KPNA2: variants seen among roughly 807,000 people sequenced by gnomAD.
The protein encoded by KPNA2 is importin subunit alpha-1.
A neutral mutation model predicts 53.7 loss-of-function variants in KPNA2; 20 were observed. That is an observed-to-expected ratio of 0.37 (90% CI 0.26 to 0.54). The LOEUF is 0.54. KPNA2 is among the 20% of genes least tolerant of loss of function. The probability of loss-of-function intolerance (pLI) is 0.83; values close to 1 mark genes in which losing one functional copy is unlikely to be tolerated. For missense variants in KPNA2, 515 were observed against 640.3 expected, an observed-to-expected ratio of 0.80 and a Z score of 2.11; for synonymous variants, 238 against 227.5, an observed-to-expected ratio of 1.05 and a Z score of -0.42.
Position 68,037,175 on chromosome 17 carries a change from C to A in KPNA2, c.43C>A (p.His15Asn). ...ENANTPAARL[H>N]RFKNKGKDST... The stretch of plus-strand genomic sequence containing the variant: ...TGCTAATACACCAGCTGCCCGTCTT[C>A]ACAGATTCAAGAACAAGGGAAAAGA... Residue 15 changes from histidine to asparagine, a missense_variant, in exon 2 of 11, where the codon CAC (histidine) becomes AAC (asparagine). Transcript: ENST00000330459. 1.2e-6 allele frequency: 2 copies of A among 1,613,498 alleles called. No individual in the cohort carries two copies. The highest frequency in any genetic ancestry group is 1.7e-5 in the Admixed American group (1 of 59,820).
Position 68,040,924 on chromosome 17 carries a change from G to A in KPNA2, c.302+158G>A, listed in dbSNP as rs186570480. Among the ~76,000 whole-genome samples the A allele has an allele frequency of 1.9e-3, 286 of 152,236 alleles. 2 individuals carry two copies. Among genetic ancestry groups the A allele is most frequent in the African/African-American group, 6.3e-3 (263 of 41,544 alleles). On this transcript the variant is annotated intron_variant, in intron 4 of 10. Transcript: ENST00000330459. ...GTATTTTTTATTTATTAATTTTTTT[G>A]AGAGGGGAGGCCTTGCTATTTTGCC...
intron 5 of KPNA2, 70 bp downstream of exon 5, chr17:68,042,423 T>A: frequency 6.8e-7 from 1 of 1,465,754 alleles, no homozygotes; most frequent in East Asian, 2.3e-5. Context: ...GGCCTTGTTA[T>A]AAGTAATAGT....
rs144471912 is a variant in KPNA2 at position 68,043,822 on chromosome 17, ATT to A, written c.931-5_931-4del. The A allele has an allele frequency of 2.9e-4, 340 of 1,182,070 alleles. No homozygotes were observed. Among genetic ancestry groups the A allele is most frequent in the South Asian group, 3.8e-4 (27 of 71,420 alleles). 73.2% of individuals were successfully genotyped at this position (1,182,070 alleles called of 1,614,324 possible). On this transcript the variant is annotated splice_polypyrimidine_tract_variant and intron_variant, in intron 7 of 10. Coordinates refer to ENST00000330459, the MANE Select transcript of KPNA2 (RefSeq NM_002266.4). The stretch of plus-strand genomic sequence containing the variant: ...GGGAAAAAATAACCAGCATCAACAT[ATT>A]TTTTTTTTTTCAGACTCCTGCCCTA...
At chr17:68,045,194 CTCA>C (rs1436837577) in intron 9 of KPNA2, among the ~76,000 whole-genome samples, 1 of 151,924 alleles carries the variant, frequency 6.6e-6, no homozygotes, top group Admixed American at 6.6e-5. Context: ...TCTTCTTCCC[CTCA>C]TCTAATCCCC....
chr17:68,044,781 C>T (rs1408922615), intron 9 of KPNA2, among the ~76,000 whole-genome samples: 4 of 152,102 alleles, frequency 2.6e-5, no homozygotes, highest in Non-Finnish European at 5.9e-5. Flanking sequence ...AATTTCATAC[C>T]GATTTTTGGT....
At position 68,042,436 on chromosome 17, in the gene KPNA2, CTT is replaced by C. The variant is rs1287904331; in HGVS notation, c.571+85_571+86del. The C allele has an allele frequency of 5.6e-6, 8 of 1,419,040 alleles. No homozygotes were observed. The African/African-American group carries it at 7.1e-5, about 13-fold the overall frequency. The allele number at this position is 1,419,040 out of a possible 1,614,324, so 87.9% of individuals were successfully genotyped here. Reference sequence around the variant, plus strand: ...AAGGCCTTGTTATAAGTAATAGTGACTTTGTCAAGTTTTGAGCTTGCTTTCAA... The same window carrying C: ...AAGGCCTTGTTATAAGTAATAGTGACTGTCAAGTTTTGAGCTTGCTTTCAA... On this transcript the variant is annotated intron_variant, in intron 5 of 10. Coordinates refer to ENST00000330459, the MANE Select transcript of KPNA2 (RefSeq NM_002266.4).
In KPNA2 at chr17:68,044,181, T is replaced by G. The variant is rs532633630; in HGVS notation, c.1164+110T>G. On this transcript the variant is annotated intron_variant, in intron 8 of 10. Transcript: ENST00000330459. ...TTGGGTTCTACTAGGAGTCCTTTGC[T>G]GAACAATACCCAGTAACCCCTTTTA... is the stretch of plus-strand genomic sequence containing the variant. 54 of 1,252,370 alleles carry G rather than the reference T, an allele frequency of 4.3e-5. No homozygotes were observed. In the South Asian group the frequency reaches 6.6e-4, roughly 15 times the overall value. 77.6% of individuals were successfully genotyped at this position (1,252,370 alleles called of 1,614,324 possible).
chr17:68,046,373 T>C (rs1453873649), intron 10 of KPNA2, 131 bp from the exon 11 acceptor site: 13 of 565,894 alleles, frequency 2.3e-5, no homozygotes, highest in African/African-American at 3.8e-5. Context: ...CTATGTCAAA[T>C]ACTATAATAT....
At chr17:68,043,471 AGGCAGGTG>A in intron 7 of KPNA2, 108 bp downstream of exon 7, 1 of 1,065,882 alleles carries the variant, frequency 9.4e-7, no homozygotes, top group South Asian at 1.5e-5. Context: ...TGGGAGACCA[AGGCAGGTG>A]GATCACCTGA....
At position 68,043,118 on chromosome 17, in the gene KPNA2, C is replaced by T. The variant is rs1555704870; in HGVS notation, c.685C>T (p.Leu229Phe). 3 of 1,614,118 alleles carry T rather than the reference C, an allele frequency of 1.9e-6. No homozygotes were observed. The highest frequency in any genetic ancestry group is 1.7e-6 in the Non-Finnish European group (2 of 1,180,028). ...SSLACGYLRNLTWTLSNLCRN... is the reference protein window; with the variant it reads ...SSLACGYLRNFTWTLSNLCRN... ...CCCCCAGTGTGGCTACTTACGTAAT[C>T]TTACCTGGACACTTTCTAATCTTTG... is the stretch of plus-strand genomic sequence containing the variant. Residue 229 changes from leucine to phenylalanine, a missense_variant, in exon 7 of 11, where the codon CTT (leucine) becomes TTT (phenylalanine). Coordinates refer to ENST00000330459, the MANE Select transcript of KPNA2 (RefSeq NM_002266.4).
At position 68,043,376 on chromosome 17, in the gene KPNA2, C is replaced by T; in HGVS notation, c.930+13C>T. The T allele has an allele frequency of 6.2e-7, 1 of 1,612,890 alleles. No homozygotes were observed. Among genetic ancestry groups the T allele is most frequent in the Non-Finnish European group, 8.5e-7 (1 of 1,179,290 alleles). On this transcript the variant is annotated intron_variant, in intron 7 of 10. Transcript: ENST00000330459. ...ATTGCCAATTGTGGTAAGTTATTTA[C>T]TTGTAGATTAGGACATAAGTATAAG...
intron 9 of KPNA2, among the ~76,000 whole-genome samples, chr17:68,045,233 T>C (rs1555705253): frequency 6.6e-6 from 1 of 152,204 alleles, no homozygotes; most frequent in Non-Finnish European, 1.5e-5. Context: ...CAAATCTGTT[T>C]TTTTCATCTA....
At chr17:68,042,487 C>A in intron 5 of KPNA2, 134 bp downstream of exon 5, 1 of 967,342 alleles carries the variant, frequency 1.0e-6, no homozygotes, top group Non-Finnish European at 1.6e-6. Flanking sequence ...ATGAAAGTGT[C>A]GTCTTTACAA....
At position 68,043,084 on chromosome 17, in the gene KPNA2, A is replaced by G. The variant is rs1568277096; in HGVS notation, c.667-16A>G. 3 of 1,612,684 alleles carry G rather than the reference A, an allele frequency of 1.9e-6. No individual in the cohort carries two copies. The highest frequency in any genetic ancestry group is 2.5e-6 in the Non-Finnish European group (3 of 1,179,238). On this transcript the variant is annotated splice_polypyrimidine_tract_variant and intron_variant, in intron 6 of 10. Transcript: ENST00000330459. ...CAAAAGACAGAACCTCTCATTGCCT[A>G]TTTTTTTTCCCCCAGTGTGGCTACT...
intron 1 of KPNA2, chr17:68,036,383 A>G (rs1555703749): frequency 6.6e-6 from 1 of 152,284 alleles, no homozygotes. Flanking sequence ...CTGGAAATGC[A>G]AATCAAATAT....
At chr17:68,036,695 A>C (rs2071194157) in intron 1 of KPNA2, 1 of 184,350 alleles carries the variant, frequency 5.4e-6, no homozygotes, top group African/African-American at 2.4e-5. Flanking sequence ...TACACAAAAG[A>C]TTTCAAAGAT....
chr17:68,040,813 T>C, intron 4 of KPNA2, 47 bp downstream of exon 4: 2 of 1,242,918 alleles, frequency 1.6e-6, no homozygotes, highest in South Asian at 2.5e-5. Flanking sequence ...AATTTGTGTT[T>C]TTAGATTTTT....
chr17:68,043,024 TACTC>T (rs1412187122), intron 6 of KPNA2, 25 bp downstream of exon 6: 1 of 1,611,200 alleles, frequency 6.2e-7, no homozygotes, highest in African/African-American at 1.3e-5. Context: ...TGAGTAAAGT[TACTC>T]ACTTCTTCAT....
intron 9 of KPNA2, 45 bp downstream of exon 9, chr17:68,044,548 T>C (rs1399919022): frequency 1.3e-6 from 2 of 1,517,916 alleles, no homozygotes; most frequent in African/African-American, 1.4e-5. Context: ...GACTTGATAA[T>C]AATCAGTTTA....
Sources: gnomAD v4.1 joint callset for allele counts (sites outside exome capture counted in the v4.1 genomes callset) on GRCh38, gnomAD v4.1.1 for gene constraint, MANE v1.5 for transcripts, NCBI Gene and HGNC (gene_info 2026-07-23, HGNC 2026-07-21) for gene names.